Variants in LINGO2 observed in about 807,000 individuals in gnomAD.
LINGO2 encodes leucine-rich repeat and immunoglobulin-like domain-containing nogo receptor-interacting protein 2.
Under a neutral mutation model 30.6 loss-of-function variants are expected in LINGO2, and 14 were observed. The observed-to-expected ratio is 0.46, with a 90% CI of 0.30 to 0.72. LINGO2 has a LOEUF of 0.72. LINGO2 is among the 30% of genes least tolerant of loss of function. The probability of loss-of-function intolerance (pLI) is 0.07; values close to 1 mark genes in which losing one functional copy is unlikely to be tolerated. For synonymous variants in LINGO2, 317 were observed against 288.5 expected (o/e 1.10, Z -1.00); for missense variants, 729 against 751.7 (o/e 0.97, Z 0.35).
At chr9:28,515,240 T>C (rs2135380349) in intron 1 of LINGO2, among the ~76,000 whole-genome samples, 1 of 149,866 alleles carries the variant, frequency 6.7e-6, no homozygotes, top group South Asian at 2.1e-4. Flanking sequence ...GGAGTCTCGC[T>C]CTGTCGCTCA....
intron 2 of LINGO2, among the ~76,000 whole-genome samples, chr9:28,430,096 A>ACGCGCGTGCG (rs56281431): frequency 4.5e-5 from 3 of 66,970 alleles, no homozygotes; most frequent in South Asian, 3.9e-4. Flanking sequence ...GCTGATTTCC[A>ACGCGCGTGCG]CGCGCGCGCG....
chr9:29,043,202 C>T, the LINGO2 span, among the ~76,000 whole-genome samples: 2 of 151,906 alleles, frequency 1.3e-5, no homozygotes, highest in African/African-American at 4.8e-5. Flanking sequence ...GCCTATCAAA[C>T]TCAAAGAGAG....
intron 2 of LINGO2, among the ~76,000 whole-genome samples, chr9:28,392,325 A>T (rs1317206423): frequency 1.3e-5 from 2 of 152,186 alleles, no homozygotes; most frequent in African/African-American, 4.8e-5. Context: ...CTTGAGAAAA[A>T]GTATAAAAGC....
chr9:28,051,288 C>A (rs1366784569), intron 4 of LINGO2, among the ~76,000 whole-genome samples: 2 of 152,036 alleles, frequency 1.3e-5, no homozygotes, highest in Non-Finnish European at 2.9e-5. Flanking sequence ...GGGTCAAGTT[C>A]ATAAAACATA....
At chr9:28,631,715 A>C (rs1309419899) in intron 1 of LINGO2, among the ~76,000 whole-genome samples, 2 of 152,042 alleles carry the variant, frequency 1.3e-5, no homozygotes, top group Non-Finnish European at 2.9e-5. Flanking sequence ...CTGTCTCCCC[A>C]AGTGCCGCCT....
chr9:29,189,687 C>G, the LINGO2 span, among the ~76,000 whole-genome samples: 3 of 152,236 alleles, frequency 2.0e-5, no homozygotes, highest in African/African-American at 7.2e-5. Context: ...TTGTAGCGAG[C>G]CGAGATCACG....
the LINGO2 span, among the ~76,000 whole-genome samples, chr9:28,927,862 T>C: frequency 6.6e-6 from 1 of 152,224 alleles, no homozygotes; most frequent in Non-Finnish European, 1.5e-5. Flanking sequence ...AGTTAAGTCA[T>C]CTGCCTAAGG....
chr9:28,393,711 T>C (rs995936620), intron 2 of LINGO2, among the ~76,000 whole-genome samples: 2 of 152,178 alleles, frequency 1.3e-5, no homozygotes, highest in African/African-American at 4.8e-5. Flanking sequence ...AACACCAGCC[T>C]GACTTCCAAC....
At chr9:28,603,496 G>A (rs1456591644) in intron 1 of LINGO2, among the ~76,000 whole-genome samples, 2 of 151,952 alleles carry the variant, frequency 1.3e-5, no homozygotes, top group Non-Finnish European at 2.9e-5. Context: ...ATTCTAAATT[G>A]TAGCCACATT....
intron 2 of LINGO2, among the ~76,000 whole-genome samples, chr9:28,464,390 G>A (rs909093260): frequency 6.6e-6 from 1 of 152,134 alleles, no homozygotes; most frequent in Admixed American, 6.6e-5. Context: ...TTGTTTGGAT[G>A]AATGAACATT....
chr9:28,936,213 G>A, the LINGO2 span, among the ~76,000 whole-genome samples: 17,331 of 152,130 alleles, frequency 0.11, 992 homozygotes, highest in South Asian at 0.16. Context: ...GCTATTCAAG[G>A]AAATCTTATG....
chr9:28,287,832 C>CA (rs560542367), intron 4 of LINGO2, among the ~76,000 whole-genome samples: 1 of 151,882 alleles, frequency 6.6e-6, no homozygotes, highest in African/African-American at 2.4e-5. Flanking sequence ...ACTGCTGTGA[C>CA]AAAAAACACA....
chr9:28,808,328 T>C, the LINGO2 span, among the ~76,000 whole-genome samples: 1 of 152,198 alleles, frequency 6.6e-6, no homozygotes, highest in Non-Finnish European at 1.5e-5. Flanking sequence ...ACTGATTTCA[T>C]TGCCCTGAAT....
intron 2 of LINGO2, among the ~76,000 whole-genome samples, chr9:28,458,369 C>T (rs1466406703): frequency 6.6e-6 from 1 of 152,134 alleles, no homozygotes; most frequent in Non-Finnish European, 1.5e-5. Flanking sequence ...AATCTACTTG[C>T]TCATTAACTA....
At chr9:28,208,867 T>C (rs184175588) in intron 4 of LINGO2, among the ~76,000 whole-genome samples, 6 of 152,198 alleles carry the variant, frequency 3.9e-5, no homozygotes, top group African/African-American at 1.4e-4. Flanking sequence ...TCCTCTGCTC[T>C]GCTAAGTCCT....
chr9:28,561,735 TTGTG>T (rs72145510), intron 1 of LINGO2, among the ~76,000 whole-genome samples: 1,069 of 44,028 alleles, frequency 0.024, 102 homozygotes, highest in Middle Eastern at 0.029. Context: ...ATATATAATT[TTGTG>T]TGTGTGTGTG....
chr9:28,582,890 G>C (rs1173213534), intron 1 of LINGO2, among the ~76,000 whole-genome samples: 3 of 151,986 alleles, frequency 2.0e-5, no homozygotes, highest in Non-Finnish European at 4.4e-5. Context: ...CCGATGCTTT[G>C]ACTTGAGATT....
intron 2 of LINGO2, among the ~76,000 whole-genome samples, chr9:28,433,949 C>CTCTATATATATATATATATATATA (rs1225323260): frequency 2.1e-4 from 19 of 88,516 alleles, no homozygotes; most frequent in African/African-American, 8.1e-4. Flanking sequence ...CTCTCTCTCT[C>CTCTATATATATATATATATATATA]TATATATATA....
At chr9:27,952,648 T>C (rs1001258642) in intron 5 of LINGO2, among the ~76,000 whole-genome samples, 4 of 152,078 alleles carry the variant, frequency 2.6e-5, no homozygotes, top group African/African-American at 9.7e-5. Context: ...AGCCAGTTTA[T>C]GTTAAAGGCG....
Sources: gnomAD v4.1 joint callset for allele counts (sites outside exome capture counted in the v4.1 genomes callset) on GRCh38, gnomAD v4.1.1 for gene constraint, MANE v1.5 for transcripts, NCBI Gene and HGNC (gene_info 2026-07-23, HGNC 2026-07-21) for gene names.